The following SERF1B variants were observed in gnomAD, a reference collection of about 807,000 sequenced individuals.
SERF1B encodes the protein small EDRK-rich factor 1.
chr5:70,036,615 ACACACACACACACACTCTCTCT>A (rs1561408518), intron 2 of SERF1B, among the ~76,000 whole-genome samples: 2 of 130,416 alleles, frequency 1.5e-5, no homozygotes, highest in African/African-American at 6.2e-5. Context: ...ACACACACAC[ACACACACACACACACTCTCTCT>A]CTCTCTCTCT....
intron 2 of SERF1B, among the ~76,000 whole-genome samples, chr5:70,036,656 C>CTCTCTCTT (rs1561408629): frequency 6.6e-6 from 1 of 150,516 alleles, no homozygotes; most frequent in African/African-American, 2.5e-5. Context: ...CTCTCTCTCT[C>CTCTCTCTT]TCTCTCTCAA....
intron 2 of SERF1B, among the ~76,000 whole-genome samples, chr5:70,041,223 C>T (rs1243134453): frequency 6.7e-6 from 1 of 149,226 alleles, no homozygotes; most frequent in Non-Finnish European, 1.5e-5. Flanking sequence ...TTATCTTTAA[C>T]CATATTGGTG....
At chr5:70,036,594 TACACACACACACACACACAC>T (rs1212936359) in intron 2 of SERF1B, among the ~76,000 whole-genome samples, 1 of 106,410 alleles carries the variant, frequency 9.4e-6, no homozygotes, top group Non-Finnish European at 1.8e-5. Context: ...TCTCAAAACA[TACACACACACACACACACAC>T]ACACACACAC....
intron 2 of SERF1B, among the ~76,000 whole-genome samples, chr5:70,036,715 T>G (rs1774195557): frequency 7.0e-6 from 1 of 142,628 alleles, no homozygotes; most frequent in Admixed American, 7.0e-5. Flanking sequence ...TAGTTATCTG[T>G]TAGACCAAAG....
chr5:70,035,399 G>T (rs1475787826), intron 2 of SERF1B, among the ~76,000 whole-genome samples: 134 of 67,794 alleles, frequency 2.0e-3, no homozygotes, highest in Middle Eastern at 9.3e-3. Context: ...TTTTTTTTTT[G>T]AGACGGAGTT....
intron 2 of SERF1B, chr5:70,029,739 C>G (rs1418819988): frequency 8.8e-6 from 4 of 454,916 alleles, no homozygotes; most frequent in African/African-American, 8.0e-5. Flanking sequence ...GGCAAAGGTC[C>G]TGACACCTTT....
intron 2 of SERF1B, among the ~76,000 whole-genome samples, chr5:70,036,625 A>T (rs201867570): frequency 4.8e-3 from 247 of 51,328 alleles, no homozygotes; most frequent in East Asian, 0.021. Context: ...ACACACACAC[A>T]CACACTCTCT....
At chr5:70,029,401 G>T (rs1287303654) in intron 2 of SERF1B, among the ~76,000 whole-genome samples, 1 of 150,292 alleles carries the variant, frequency 6.7e-6, no homozygotes, top group Non-Finnish European at 1.5e-5. Flanking sequence ...CTCCCAAAGT[G>T]CTGGGATTAC....
At chr5:70,038,613 C>T (rs1374977036) in intron 2 of SERF1B, among the ~76,000 whole-genome samples, 4 of 5,210 alleles carry the variant, frequency 7.7e-4, no homozygotes, top group African/African-American at 3.1e-3. Flanking sequence ...AGTGAGACTC[C>T]GTCTCAAAAA....
At chr5:70,036,629 A>ACACACACTCTCTCTCT (rs763495681) in intron 2 of SERF1B, among the ~76,000 whole-genome samples, 53 of 49,896 alleles carry the variant, frequency 1.1e-3, no homozygotes, top group Middle Eastern at 0.01. Context: ...ACACACACAC[A>ACACACACTCTCTCTCT]CTCTCTCTCT....
chr5:70,028,978 A>AC (rs1242926940), intron 2 of SERF1B, among the ~76,000 whole-genome samples: 6 of 152,130 alleles, frequency 3.9e-5, no homozygotes, highest in Non-Finnish European at 7.4e-5. Flanking sequence ...CTCCGTCAAA[A>AC]AAAAAAAACC....
intron 2 of SERF1B, chr5:70,032,177 T>C: frequency 7.1e-7 from 1 of 1,399,406 alleles, no homozygotes; most frequent in Admixed American, 2.2e-5. Flanking sequence ...TCTCCAGCCA[T>C]GAAAATGGAA....
intron 2 of SERF1B, among the ~76,000 whole-genome samples, chr5:70,029,025 AT>A (rs1229940781): frequency 6.6e-6 from 1 of 152,050 alleles, no homozygotes; most frequent in East Asian, 1.9e-4. Flanking sequence ...AATCGGGGTA[AT>A]TGGGATATCT....
intron 2 of SERF1B, among the ~76,000 whole-genome samples, chr5:70,038,231 GC>G (rs1303929205): frequency 6.6e-6 from 1 of 150,776 alleles, no homozygotes; most frequent in Admixed American, 6.6e-5. Flanking sequence ...AAAGACTGTA[GC>G]CTTATACCAC....
intron 2 of SERF1B, among the ~76,000 whole-genome samples, chr5:70,036,629 A>ACACACACACACTCTCTCT: frequency 4.0e-5 from 2 of 49,884 alleles, no homozygotes; most frequent in African/African-American, 1.3e-4. Flanking sequence ...ACACACACAC[A>ACACACACACACTCTCTCT]CTCTCTCTCT....
intron 2 of SERF1B, among the ~76,000 whole-genome samples, chr5:70,028,537 A>G: frequency 7.2e-6 from 1 of 139,490 alleles, no homozygotes. Flanking sequence ...TGGGTGACAG[A>G]GCGAGACTCC....
chr5:70,036,625 ACACACTCTCT>A (rs1172770713), intron 2 of SERF1B, among the ~76,000 whole-genome samples: 2 of 51,748 alleles, frequency 3.9e-5, no homozygotes, highest in African/African-American at 1.3e-4. Flanking sequence ...ACACACACAC[ACACACTCTCT>A]CTCTCTCTCT....
intron 2 of SERF1B, among the ~76,000 whole-genome samples, chr5:70,037,763 C>T (rs1774213542): frequency 8.9e-6 from 1 of 111,874 alleles, no homozygotes; most frequent in Non-Finnish European, 1.7e-5. Flanking sequence ...GAGTTCAAGA[C>T]CAGCCTGGCC....
intron 2 of SERF1B, among the ~76,000 whole-genome samples, chr5:70,029,138 C>CTT (rs541213410): frequency 1.2e-4 from 17 of 145,910 alleles, no homozygotes; most frequent in African/African-American, 3.9e-4. Flanking sequence ...TAGGTTATGC[C>CTT]TTTTTTTTTT....
Sources: gnomAD v4.1 joint callset for allele counts (sites outside exome capture counted in the v4.1 genomes callset) on GRCh38, gnomAD v4.1.1 for gene constraint, MANE v1.5 for transcripts, NCBI Gene and HGNC (gene_info 2026-07-23, HGNC 2026-07-21) for gene names.